The following NSUN3 variants were observed in gnomAD, a reference collection of about 807,000 sequenced individuals.
NSUN3 encodes the protein NOP2/Sun RNA methyltransferase 3.
NSUN3 carries 24 observed loss-of-function variants against 36.8 expected under a neutral mutation model. The ratio of observed to expected loss-of-function variants is 0.65; its 90% CI spans 0.47 to 0.92. The LOEUF (loss-of-function observed/expected upper bound fraction) is 0.92, where lower values mean the gene tolerates loss of function less well. Ranked by LOEUF, NSUN3 falls within the 40% of genes least tolerant of loss-of-function variation. The pLI is 0.00. For missense variants in NSUN3, 381 were observed against 392.8 expected (o/e 0.97, Z 0.25); for synonymous variants, 146 against 145.2 (o/e 1.01, Z -0.04).
chr3:94,078,628 G>C lies in NSUN3; in HGVS notation c.123-5479G>C, dbSNP rs146021434. 4.2e-3 allele frequency among the ~76,000 whole-genome samples: 646 copies of C among 152,146 alleles called. 9 individuals carry two copies. The highest frequency in any genetic ancestry group is 0.015 in the African/African-American group (604 of 41,490). On this transcript the variant is annotated intron_variant, in intron 2 of 5. Transcript: ENST00000314622. ...TCATGAATCTGGATGCTCCTGTGTT[G>C]GGTGCATATATATTTAGGATAGTTA...
chr3:94,095,064 G>T lies in NSUN3; in HGVS notation c.653G>T (p.Arg218Leu), dbSNP rs1347790163. 2 of 1,613,704 alleles carry T rather than the reference G, an allele frequency of 1.2e-6. No individual in the cohort carries two copies. The highest frequency in any genetic ancestry group is 8.5e-7 in the Non-Finnish European group (1 of 1,179,886). The change falls in exon 5 of 6, where the codon CGA becomes CTA. Residue 218 changes from arginine to leucine, a missense_variant. Physicochemically the swap from Arg to Leu is moderately radical, Grantham distance 102 (BLOSUM62 -2). Transcript: ENST00000314622. The stretch of plus-strand genomic sequence containing the variant: ...GTGGATGCTCCGTGTTCAAATGATC[G>T]AAGCTGGTTGTTTTCTTCTGACTCT... ...VLVDAPCSND[R>L]SWLFSSDSQK...
In NSUN3 at chr3:94,129,495, G is replaced by A. The variant is rs1050898614; in HGVS notation, c.*3005G>A. ...AATAGACACTGGTGACTACTAGAGT[G>A]GGGAGGGGAGGAGGGGGATGTAGGC... On this transcript the variant is annotated 3_prime_UTR_variant, in exon 6 of 6. Transcript: ENST00000314622. Among the ~76,000 whole-genome samples, 3 of 152,092 alleles carry A rather than the reference G, an allele frequency of 2.0e-5. No individual in the cohort carries two copies. Among genetic ancestry groups the A allele is most frequent in the Admixed American group, 2.0e-4 (3 of 15,262 alleles).
intron 5 of NSUN3, among the ~76,000 whole-genome samples, chr3:94,123,946 A>T (rs2077474375): frequency 6.6e-6 from 1 of 152,036 alleles, no homozygotes; most frequent in African/African-American, 2.4e-5. Context: ...ACTAAATTGC[A>T]TACTAAATAA....
intron 2 of NSUN3, among the ~76,000 whole-genome samples, chr3:94,066,899 G>A (rs753063640): frequency 6.6e-6 from 1 of 152,040 alleles, no homozygotes; most frequent in Non-Finnish European, 1.5e-5. Flanking sequence ...CACTACCTTT[G>A]TAGTAAAAAA....
At chr3:94,093,470 T>C (rs968365447) in intron 3 of NSUN3, among the ~76,000 whole-genome samples, 1 of 152,196 alleles carries the variant, frequency 6.6e-6, no homozygotes, top group Non-Finnish European at 1.5e-5. Context: ...GTCACTATGA[T>C]CTAGGCAAGA....
At chr3:94,071,251 T>TA (rs910469289) in intron 2 of NSUN3, among the ~76,000 whole-genome samples, 1 of 152,196 alleles carries the variant, frequency 6.6e-6, no homozygotes, top group South Asian at 2.1e-4. Flanking sequence ...TTTTAACACT[T>TA]AGAGATTTAA....
At position 94,126,199 on chromosome 3, in the gene NSUN3, G is replaced by A. The variant is rs376826226; in HGVS notation, c.744-12G>A. ...CTTAACTAATCTTTTGCATTTTTCT[G>A]ATTGCACACAGGTCTGCAATTAAGG... On this transcript the variant is annotated splice_polypyrimidine_tract_variant and intron_variant, in intron 5 of 5. Transcript: ENST00000314622. 9 of 1,589,514 alleles carry A rather than the reference G, an allele frequency of 5.7e-6. No individual in the cohort carries two copies. Among genetic ancestry groups the A allele is most frequent in the African/African-American group, 1.4e-5 (1 of 73,798 alleles).
At chr3:94,097,192 G>GA (rs760575390) in intron 5 of NSUN3, among the ~76,000 whole-genome samples, 2 of 151,968 alleles carry the variant, frequency 1.3e-5, no homozygotes, top group South Asian at 2.1e-4. Context: ...CATTTTCATT[G>GA]TAAAAAAATA....
intron 2 of NSUN3, among the ~76,000 whole-genome samples, chr3:94,079,399 T>C (rs2077259465): frequency 6.6e-6 from 1 of 152,176 alleles, no homozygotes; most frequent in South Asian, 2.1e-4. Context: ...CTGACAATTA[T>C]GTGCCTTGGG....
chr3:94,124,211 G>T (rs1344944284), intron 5 of NSUN3, among the ~76,000 whole-genome samples: 14 of 138,448 alleles, frequency 1.0e-4, no homozygotes, highest in Admixed American at 7.7e-4. Flanking sequence ...GGAGTGAAGT[G>T]GTGTGATCTT....
rs1249856206 is a variant in NSUN3, at chr3:94,076,471, A to G, written c.123-7636A>G. 7.6e-6 allele frequency: 6 copies of G among 787,428 alleles called. No individual in the cohort carries two copies. In the African/African-American group the frequency reaches 1.0e-4, roughly 13 times the overall value. 48.8% of individuals were successfully genotyped at this position (787,428 alleles called of 1,614,324 possible). ...ACCCAAACAGAGACTTATGGAACAG[A>G]TGCCAGGAAACATCTTCTACTACTA... On this transcript the variant is annotated intron_variant, in intron 2 of 5. Coordinates refer to ENST00000314622, the MANE Select transcript of NSUN3 (RefSeq NM_022072.5).
chr3:94,067,488 G>T (rs901833672), intron 2 of NSUN3, among the ~76,000 whole-genome samples: 1 of 152,146 alleles, frequency 6.6e-6, no homozygotes. Flanking sequence ...AGTGAGAGTT[G>T]TCTTTGAGAC....
At chr3:94,085,916 C>T (rs1230348332) in intron 3 of NSUN3, among the ~76,000 whole-genome samples, 2 of 151,196 alleles carry the variant, frequency 1.3e-5, no homozygotes, top group African/African-American at 2.4e-5. Context: ...AATGACGTGA[C>T]ACCATCTCAA....
chr3:94,100,257 G>A (rs1229315109), intron 5 of NSUN3, among the ~76,000 whole-genome samples: 2 of 152,184 alleles, frequency 1.3e-5, no homozygotes, highest in African/African-American at 4.8e-5. Context: ...CAGATATGGT[G>A]CTCAAAGATA....
intron 2 of NSUN3, among the ~76,000 whole-genome samples, chr3:94,079,633 T>A (rs1329700563): frequency 1.1e-4 from 16 of 152,140 alleles, no homozygotes. Flanking sequence ...TCCTTTTTAC[T>A]CTTTTTTCTC....
At chr3:94,109,427 A>T (rs1413984554) in intron 5 of NSUN3, among the ~76,000 whole-genome samples, 1 of 152,230 alleles carries the variant, frequency 6.6e-6, no homozygotes, top group East Asian at 1.9e-4. Context: ...TAAGAGATTT[A>T]TTATTGGAAT....
chr3:94,109,990 A>C (rs1177226361), intron 5 of NSUN3, among the ~76,000 whole-genome samples: 1 of 152,166 alleles, frequency 6.6e-6, no homozygotes, highest in East Asian at 1.9e-4. Flanking sequence ...ATGAAATAGC[A>C]TGTACTCTTT....
rs1277533938 is a variant in NSUN3, at chr3:94,128,359, A to T, written c.*1869A>T. 6.6e-6 allele frequency: 1 copy of T among 152,082 alleles called. No individual in the cohort carries two copies. The highest frequency in any genetic ancestry group is 6.6e-5 in the Admixed American group (1 of 15,250). 9.4% of individuals were successfully genotyped at this position (152,082 alleles called of 1,614,324 possible). On this transcript the variant is annotated 3_prime_UTR_variant, in exon 6 of 6. Transcript: ENST00000314622. ...TTTTCTTTTTTAAGTTATCATTATT[A>T]GTTTGTTTTTTTTATCTTCAGACAC...
At chr3:94,080,129 A>G (rs1481309171) in intron 2 of NSUN3, among the ~76,000 whole-genome samples, 5 of 151,806 alleles carry the variant, frequency 3.3e-5, no homozygotes, top group African/African-American at 7.3e-5. Context: ...TGGATGTGCT[A>G]TTCCTTTCTG....
Sources: gnomAD v4.1 joint callset for allele counts (sites outside exome capture counted in the v4.1 genomes callset) on GRCh38, gnomAD v4.1.1 for gene constraint, MANE v1.5 for transcripts, NCBI Gene and HGNC (gene_info 2026-07-23, HGNC 2026-07-21) for gene names.